RORA: variants seen among roughly 807,000 people sequenced by gnomAD.
The protein encoded by RORA is nuclear receptor ROR-alpha.
RORA carries 7 observed loss-of-function variants against 69.5 expected under a neutral mutation model. The observed-to-expected ratio is 0.10, with a 90% CI of 0.06 to 0.19. The LOEUF (loss-of-function observed/expected upper bound fraction) is 0.19, where lower values mean the gene tolerates loss of function less well. RORA is among the 10% of genes least tolerant of loss of function. The pLI is 1.00. For synonymous variants in RORA, 261 were observed against 240.8 expected, an observed-to-expected ratio of 1.08 and a Z score of -0.78; for missense variants, 457 against 663.0, an observed-to-expected ratio of 0.69 and a Z score of 3.41.
intron 1 of RORA, among the ~76,000 whole-genome samples, chr15:60,826,985 C>G (rs769653705): frequency 2.6e-5 from 4 of 152,122 alleles, no homozygotes; most frequent in Admixed American, 2.6e-4. Flanking sequence ...TACCAAAGCC[C>G]TCCGTGATGT....
intron 1 of RORA, among the ~76,000 whole-genome samples, chr15:61,074,772 A>G (rs1417239441): frequency 6.6e-6 from 1 of 152,176 alleles, no homozygotes; most frequent in Non-Finnish European, 1.5e-5. Context: ...ACTCACAGGA[A>G]AGCCATGGGA....
chr15:60,733,900 G>A (rs1411289885), intron 1 of RORA, among the ~76,000 whole-genome samples: 7 of 140,052 alleles, frequency 5.0e-5, no homozygotes, highest in East Asian at 4.4e-4. Context: ...ACAGGTGAGC[G>A]GTTAGAATAG....
At chr15:60,909,103 G>A (rs1037333448) in intron 1 of RORA, among the ~76,000 whole-genome samples, 7 of 152,118 alleles carry the variant, frequency 4.6e-5, no homozygotes, top group African/African-American at 7.2e-5. Flanking sequence ...GGACAGCTCC[G>A]CCTGACTAGA....
intron 1 of RORA, among the ~76,000 whole-genome samples, chr15:60,687,100 T>G (rs146265519): frequency 6.4e-4 from 97 of 152,264 alleles, no homozygotes; most frequent in African/African-American, 2.1e-3. Context: ...CACTCATGTC[T>G]TGAATCACCT....
At chr15:60,524,679 A>G (rs1334893334) in intron 3 of RORA, among the ~76,000 whole-genome samples, 1 of 152,168 alleles carries the variant, frequency 6.6e-6, no homozygotes, top group Admixed American at 6.5e-5. Context: ...TGTTTCCAGT[A>G]GCTAACCCAA....
intron 1 of RORA, among the ~76,000 whole-genome samples, chr15:60,699,948 G>A (rs781506933): frequency 1.3e-5 from 2 of 152,016 alleles, no homozygotes; most frequent in Non-Finnish European, 2.9e-5. Context: ...GACAAAGTAC[G>A]CATAAAGAAC....
chr15:60,817,802 T>C (rs970374873), intron 1 of RORA, among the ~76,000 whole-genome samples: 3 of 152,242 alleles, frequency 2.0e-5, no homozygotes, highest in African/African-American at 4.8e-5. Context: ...ACCTACCTGC[T>C]TACTTCCAGG....
chr15:60,936,306 A>G (rs1379312141), intron 1 of RORA, among the ~76,000 whole-genome samples: 1 of 152,198 alleles, frequency 6.6e-6, no homozygotes, highest in Non-Finnish European at 1.5e-5. Context: ...TAGATTGAAC[A>G]AAGTAGGATG....
At chr15:61,020,239 C>T (rs147010102) in intron 1 of RORA, among the ~76,000 whole-genome samples, 103 of 152,262 alleles carry the variant, frequency 6.8e-4, no homozygotes, top group African/African-American at 2.4e-3. Flanking sequence ...TCAGTATCAC[C>T]TCCACTTAGC....
chr15:61,119,191 C>T (rs1406991016), intron 1 of RORA, among the ~76,000 whole-genome samples: 2 of 151,380 alleles, frequency 1.3e-5, no homozygotes, highest in East Asian at 2.0e-4. Flanking sequence ...GGGCAACTTT[C>T]GCTTTTTTGG....
chr15:61,122,254 T>A (rs567021307), intron 1 of RORA, among the ~76,000 whole-genome samples: 1 of 152,290 alleles, frequency 6.6e-6, no homozygotes, highest in South Asian at 2.1e-4. Context: ...ATTTCTAAAA[T>A]CTCACAATGG....
intron 1 of RORA, among the ~76,000 whole-genome samples, chr15:60,882,912 G>T (rs2073701449): frequency 6.6e-6 from 1 of 151,782 alleles, no homozygotes; most frequent in Non-Finnish European, 1.5e-5. Flanking sequence ...TCACCTGAGG[G>T]TATGGGTTAG....
At chr15:60,599,476 G>A (rs987475692) in intron 2 of RORA, among the ~76,000 whole-genome samples, 17 of 152,178 alleles carry the variant, frequency 1.1e-4, no homozygotes, top group Non-Finnish European at 2.4e-4. Flanking sequence ...ACTTGAATCC[G>A]GGAGGCGGAG....
chr15:60,914,190 C>T (rs1425525136), intron 1 of RORA, among the ~76,000 whole-genome samples: 2 of 152,186 alleles, frequency 1.3e-5, no homozygotes, highest in Non-Finnish European at 2.9e-5. Flanking sequence ...GATGTGTGAT[C>T]ATTTGTTGAA....
intron 1 of RORA, among the ~76,000 whole-genome samples, chr15:60,796,705 GA>G (rs1365874365): frequency 2.0e-5 from 3 of 152,120 alleles, no homozygotes; most frequent in Non-Finnish European, 4.4e-5. Flanking sequence ...AGAACTCAAA[GA>G]AAGTGTTCAA....
chr15:61,198,271 G>C (rs1346766256), intron 1 of RORA, among the ~76,000 whole-genome samples: 1 of 152,186 alleles, frequency 6.6e-6, no homozygotes, highest in Non-Finnish European at 1.5e-5. Flanking sequence ...TTTTAAAAGA[G>C]TGGGTCTGGC....
intron 1 of RORA, among the ~76,000 whole-genome samples, chr15:61,216,131 T>C (rs969089787): frequency 6.4e-4 from 97 of 152,242 alleles, no homozygotes; most frequent in African/African-American, 2.1e-3. Context: ...CTTTGACCTA[T>C]CCTAGTCCAG....
rs1317076603 is a variant in RORA at position 60,493,754 on chromosome 15, G to A, written c.*3701C>T. ...ACATTTTATTGCAGGAATATTTCAAGTGCCATCAAATATTTATAGAAGGGT... is the reference window on the plus strand; with the variant it reads ...ACATTTTATTGCAGGAATATTTCAAATGCCATCAAATATTTATAGAAGGGT... On this transcript the variant is annotated 3_prime_UTR_variant, in exon 11 of 11. Coordinates refer to ENST00000335670, the MANE Select transcript of RORA (RefSeq NM_134261.3). 4 of 151,308 alleles carry A rather than the reference G, an allele frequency of 2.6e-5. No homozygotes were observed. The highest frequency in any genetic ancestry group is 4.4e-5 in the Non-Finnish European group (3 of 67,928). 9.4% of individuals were successfully genotyped at this position (151,308 alleles called of 1,614,324 possible). A position where few individuals can be genotyped will look rare whatever the true frequency, so the allele number is the denominator to read the frequency against.
chr15:60,852,370 G>A lies in RORA; in HGVS notation c.167-173684C>T, dbSNP rs75092028. Reference sequence around the variant, plus strand: ...GTATGGGCCAGCTGCACAGCTGTGCGTGATGCTTGGCAAGTTTGTAATGTT... The same window carrying A: ...GTATGGGCCAGCTGCACAGCTGTGCATGATGCTTGGCAAGTTTGTAATGTT... On this transcript the variant is annotated intron_variant, in intron 1 of 10. Coordinates refer to ENST00000335670, the MANE Select transcript of RORA (RefSeq NM_134261.3). 5.5e-3 allele frequency among the ~76,000 whole-genome samples: 841 copies of A among 152,280 alleles called. 15 individuals are homozygous for A. Among genetic ancestry groups the A allele is most frequent in the East Asian group, 0.04 (208 of 5,172 alleles).
Sources: gnomAD v4.1 joint callset for allele counts (sites outside exome capture counted in the v4.1 genomes callset) on GRCh38, gnomAD v4.1.1 for gene constraint, MANE v1.5 for transcripts, NCBI Gene and HGNC (gene_info 2026-07-23, HGNC 2026-07-21) for gene names.